ERC2: variants seen among roughly 807,000 people sequenced by gnomAD.
ERC2 encodes ERC protein 2.
ERC2 carries 42 observed loss-of-function variants against 114.8 expected under a neutral mutation model. That is an observed-to-expected ratio of 0.37 (90% CI 0.29 to 0.47). The LOEUF (loss-of-function observed/expected upper bound fraction) is 0.47. Ranked by LOEUF, ERC2 falls within the 20% of genes least tolerant of loss-of-function variation. ERC2 has a pLI of 0.99. For missense variants in ERC2, 939 were observed against 1,150.7 expected (o/e 0.82, Z 2.66); for synonymous variants, 454 against 425.5 (o/e 1.07, Z -0.82).
intron 7 of ERC2, among the ~76,000 whole-genome samples, chr3:56,060,595 C>T (rs569568434): frequency 2.0e-5 from 3 of 152,328 alleles, no homozygotes; most frequent in African/African-American, 4.8e-5. Flanking sequence ...AGGCTAATGA[C>T]GGTGGCAGTG....
chr3:56,423,706 G>T (rs913533728), intron 2 of ERC2, among the ~76,000 whole-genome samples: 1 of 152,090 alleles, frequency 6.6e-6, no homozygotes, highest in Non-Finnish European at 1.5e-5. Flanking sequence ...AGAAGAAATT[G>T]CACGTGCCAG....
chr3:55,950,010 T>C (rs2067391065), intron 13 of ERC2, among the ~76,000 whole-genome samples: 1 of 152,240 alleles, frequency 6.6e-6, no homozygotes, highest in Admixed American at 6.5e-5. Context: ...TTTTGTAAAC[T>C]GTCTGGGATC....
chr3:55,650,425 G>C (rs942587865), intron 17 of ERC2, among the ~76,000 whole-genome samples: 3 of 152,134 alleles, frequency 2.0e-5, no homozygotes, highest in Admixed American at 6.5e-5. Context: ...CTTCTCATCC[G>C]AGGGTCACCT....
chr3:55,524,280 T>G (rs1482803109), intron 17 of ERC2, among the ~76,000 whole-genome samples: 1 of 152,144 alleles, frequency 6.6e-6, no homozygotes, highest in Non-Finnish European at 1.5e-5. Flanking sequence ...ATGTATGGGC[T>G]TGGTCATCTT....
At chr3:56,410,836 G>A (rs1013348812) in intron 2 of ERC2, among the ~76,000 whole-genome samples, 3 of 152,046 alleles carry the variant, frequency 2.0e-5, no homozygotes, top group Non-Finnish European at 4.4e-5. Flanking sequence ...TGTTGTGATA[G>A]ATTATCTGAA....
At chr3:56,345,574 A>G (rs1025700143) in intron 2 of ERC2, among the ~76,000 whole-genome samples, 5 of 152,244 alleles carry the variant, frequency 3.3e-5, no homozygotes, top group African/African-American at 1.2e-4. Flanking sequence ...TACTTCAAAA[A>G]TAATGAAACA....
chr3:56,047,987 G>A (rs1339149727), intron 7 of ERC2, among the ~76,000 whole-genome samples: 2 of 152,150 alleles, frequency 1.3e-5, no homozygotes, highest in African/African-American at 4.8e-5. Flanking sequence ...CAATAACCCT[G>A]CAATTCATGG....
At chr3:55,864,118 TAC>T (rs1331498155) in intron 14 of ERC2, among the ~76,000 whole-genome samples, 979 of 86,914 alleles carry the variant, frequency 0.011, 12 homozygotes, top group African/African-American at 0.045. Context: ...TATATATATA[TAC>T]ACACACACAT....
chr3:55,751,695 T>C (rs2066715194), intron 14 of ERC2, among the ~76,000 whole-genome samples: 1 of 152,082 alleles, frequency 6.6e-6, no homozygotes, highest in Non-Finnish European at 1.5e-5. Context: ...TGAGGCCAAG[T>C]TAGTAACAGG....
At chr3:56,101,372 T>C (rs1346752600) in intron 6 of ERC2, among the ~76,000 whole-genome samples, 2 of 123,186 alleles carry the variant, frequency 1.6e-5, no homozygotes, top group Non-Finnish European at 3.5e-5. Context: ...AGAGGAAACA[T>C]CCACATACGT....
chr3:56,130,475 A>G (rs983235072), intron 6 of ERC2, among the ~76,000 whole-genome samples: 7 of 152,230 alleles, frequency 4.6e-5, no homozygotes, highest in African/African-American at 1.7e-4. Flanking sequence ...ACAGTTCATT[A>G]AGATTCAAAC....
At chr3:55,519,054 A>C (rs543661711) in intron 17 of ERC2, among the ~76,000 whole-genome samples, 2 of 152,304 alleles carry the variant, frequency 1.3e-5, no homozygotes, top group East Asian at 3.9e-4. Context: ...TGCACTCTGG[A>C]AAGAGGGGGA....
At chr3:55,857,245 C>A (rs939192361) in intron 14 of ERC2, among the ~76,000 whole-genome samples, 4 of 152,114 alleles carry the variant, frequency 2.6e-5, no homozygotes, top group African/African-American at 9.7e-5. Flanking sequence ...AGGGAAGACA[C>A]TATTTAGCTA....
intron 17 of ERC2, chr3:55,657,185 G>C (rs1300467543): frequency 6.6e-6 from 1 of 151,824 alleles, no homozygotes; most frequent in African/African-American, 2.4e-5. Flanking sequence ...CACCTCTCCT[G>C]ACATACCCTT....
intron 6 of ERC2, among the ~76,000 whole-genome samples, chr3:56,112,419 GA>G (rs1465099546): frequency 8.5e-6 from 1 of 118,204 alleles, no homozygotes; most frequent in Non-Finnish European, 1.8e-5. Context: ...CCTTGAGTGA[GA>G]AAAGACAGAC....
chr3:56,376,308 G>C (rs2059538612), intron 2 of ERC2, among the ~76,000 whole-genome samples: 1 of 152,134 alleles, frequency 6.6e-6, no homozygotes, highest in Non-Finnish European at 1.5e-5. Context: ...TTTCTCACAA[G>C]AGAAACAGAT....
At chr3:56,192,259 T>G (rs1233890584) in intron 3 of ERC2, among the ~76,000 whole-genome samples, 4 of 152,190 alleles carry the variant, frequency 2.6e-5, no homozygotes, top group Non-Finnish European at 5.9e-5. Flanking sequence ...CACCCAAGGT[T>G]GACACTCCCC....
At chr3:55,913,139 C>T (rs989093068) in intron 13 of ERC2, among the ~76,000 whole-genome samples, 9 of 152,158 alleles carry the variant, frequency 5.9e-5, no homozygotes, top group African/African-American at 2.2e-4. Context: ...GTGCATGCCA[C>T]CACACCTGGC....
chr3:56,459,901 G>T (rs1193484137), intron 1 of ERC2, among the ~76,000 whole-genome samples: 2 of 152,190 alleles, frequency 1.3e-5, no homozygotes, highest in African/African-American at 4.8e-5. Flanking sequence ...ACTCTGCTTG[G>T]CAGAGTCAAC....
Sources: allele counts gnomAD v4.1 joint callset (sites outside exome capture counted in the v4.1 genomes callset), GRCh38; gene constraint gnomAD v4.1.1; transcripts MANE v1.5; gene names NCBI Gene and HGNC (gene_info 2026-07-23, HGNC 2026-07-21).